The following SRGAP3 variants were observed in gnomAD, a reference collection of about 807,000 sequenced individuals.
SRGAP3 encodes the protein SLIT-ROBO Rho GTPase-activating protein 3.
Under a neutral mutation model 121.1 loss-of-function variants are expected in SRGAP3, and 39 were observed. The ratio of observed to expected loss-of-function variants is 0.32; its 90% CI spans 0.25 to 0.42. The LOEUF is 0.42. SRGAP3 is among the 10% of genes least tolerant of loss of function. SRGAP3 has a pLI of 1.00. For missense variants in SRGAP3, 1,213 were observed against 1,470.6 expected, an observed-to-expected ratio of 0.82 and a Z score of 2.86; for synonymous variants, 601 against 570.0, an observed-to-expected ratio of 1.05 and a Z score of -0.77.
chr3:9,315,543 G>C (rs558375975), intron 3 of SRGAP3, among the ~76,000 whole-genome samples: 7 of 152,266 alleles, frequency 4.6e-5, no homozygotes, highest in African/African-American at 1.4e-4. Context: ...TGGCTGCTGG[G>C]GATGGGAGAC....
At chr3:9,126,258 C>T (rs1257002480) in intron 1 of SRGAP3, among the ~76,000 whole-genome samples, 2 of 152,208 alleles carry the variant, frequency 1.3e-5, no homozygotes, top group Non-Finnish European at 2.9e-5. Flanking sequence ...AGAGCAACTG[C>T]TCACTCGTCC....
intron 13 of SRGAP3, among the ~76,000 whole-genome samples, chr3:9,025,821 T>A (rs1230367874): frequency 2.0e-5 from 3 of 152,214 alleles, no homozygotes; most frequent in African/African-American, 2.4e-5. Flanking sequence ...TTAAAAGGTC[T>A]GTTTCATCTT....
intron 1 of SRGAP3, among the ~76,000 whole-genome samples, chr3:9,187,350 A>G (rs905627774): frequency 1.3e-5 from 2 of 152,160 alleles, no homozygotes; most frequent in Admixed American, 1.3e-4. Context: ...GAAGGGGCAG[A>G]GTGGTATTTC....
At chr3:9,056,365 G>A (rs1560025742) in intron 7 of SRGAP3, 31 bp from the exon 8 acceptor site, 16 of 1,605,270 alleles carry the variant, frequency 1.0e-5, no homozygotes, top group Non-Finnish European at 1.4e-5. Context: ...ATCTGTGGTT[G>A]CCCTGTGCCC....
At chr3:9,034,806 A>G (rs550390049) in intron 11 of SRGAP3, 2 of 152,212 alleles carry the variant, frequency 1.3e-5, no homozygotes, top group Non-Finnish European at 2.9e-5. Flanking sequence ...TACCAAAGGC[A>G]AAAGAGAGTG....
chr3:8,999,896 T>A (rs1489596552), intron 18 of SRGAP3, among the ~76,000 whole-genome samples: 4 of 152,056 alleles, frequency 2.6e-5, no homozygotes, highest in Admixed American at 2.6e-4. Context: ...GAAAAAGAAA[T>A]ATTTCAAGCC....
At position 9,258,862 on chromosome 3, in the gene SRGAP3, C is replaced by T. The variant is rs111992410; in HGVS notation, n.442+67148G>A. On this transcript the variant is annotated intron_variant and non_coding_transcript_variant, in intron 3 of 3. Transcript: ENST00000490889. ...CTCTGTCTCTGATCGTGCCTCCCTC[C>T]TATTTGCGATCAACCCTGGAACCCG... Among the ~76,000 whole-genome samples the T allele has an allele frequency of 8.9e-3, 1,354 of 152,320 alleles. 25 individuals are homozygous for T. Among genetic ancestry groups the T allele is most frequent in the African/African-American group, 0.031 (1,273 of 41,570 alleles).
intron 3 of SRGAP3, among the ~76,000 whole-genome samples, chr3:9,265,240 C>T (rs1574955727): frequency 1.3e-5 from 2 of 152,206 alleles, no homozygotes; most frequent in African/African-American, 4.8e-5. Flanking sequence ...GGATTAAAGA[C>T]TTAAATGTAA....
rs1297953622 is a variant in SRGAP3 at position 8,985,106 on chromosome 3, A to G, written c.*413T>C. On this transcript the variant is annotated 3_prime_UTR_variant, in exon 22 of 22. Coordinates refer to ENST00000383836, the MANE Select transcript of SRGAP3 (RefSeq NM_014850.4). The surrounding 1 kb of genome is among the most constrained non-coding windows in gnomAD (Gnocchi z 5.1). The stretch of plus-strand genomic sequence containing the variant: ...TATAGATGCATAAATATATATATAT[A>G]TACACACACCTACAGACACGTACAT... 3 of 264,650 alleles carry G rather than the reference A, an allele frequency of 1.1e-5. No individual in the cohort carries two copies. The highest frequency in any genetic ancestry group is 2.2e-5 in the Non-Finnish European group (3 of 138,598). 16.4% of individuals were successfully genotyped at this position (264,650 alleles called of 1,614,324 possible). A position where few individuals can be genotyped will look rare whatever the true frequency, so the allele number is the denominator to read the frequency against.
chr3:9,159,608 C>T lies in SRGAP3; in HGVS notation c.68-34691G>A, dbSNP rs190337454. On this transcript the variant is annotated intron_variant, in intron 1 of 21. Coordinates refer to ENST00000383836, the MANE Select transcript of SRGAP3 (RefSeq NM_014850.4). Reference sequence around the variant, plus strand: ...AAACAATTTTGTGTTTATCCCATGACACACAGTTTACCCATATAACAAACC... The same window carrying T: ...AAACAATTTTGTGTTTATCCCATGATACACAGTTTACCCATATAACAAACC... Among the ~76,000 whole-genome samples the T allele has an allele frequency of 3.3e-5, 5 of 152,266 alleles. No individual in the cohort carries two copies. In the East Asian group the frequency reaches 5.8e-4, roughly 18 times the overall value.
At chr3:8,990,005 G>C (rs1941943581) in intron 21 of SRGAP3, among the ~76,000 whole-genome samples, 1 of 152,190 alleles carries the variant, frequency 6.6e-6, no homozygotes, top group African/African-American at 2.4e-5. Context: ...ACAACTGTGT[G>C]TGTGTGTTTG....
intron 3 of SRGAP3, among the ~76,000 whole-genome samples, chr3:9,317,297 C>G (rs199825045): frequency 1.3e-5 from 2 of 152,188 alleles, no homozygotes; most frequent in African/African-American, 4.8e-5. Flanking sequence ...ATATTTCGGC[C>G]GTAAATTTCC....
intron 1 of SRGAP3, among the ~76,000 whole-genome samples, chr3:9,196,522 T>C (rs1373559589): frequency 6.6e-6 from 1 of 152,244 alleles, no homozygotes; most frequent in Non-Finnish European, 1.5e-5. Context: ...TGCTTTTTCT[T>C]TGTTTTTAAT....
chr3:9,070,023 G>A (rs1946627661), intron 4 of SRGAP3, among the ~76,000 whole-genome samples: 1 of 152,238 alleles, frequency 6.6e-6, no homozygotes, highest in Non-Finnish European at 1.5e-5. Context: ...GGCAGAGCTG[G>A]GACTGCAGGC....
At chr3:9,303,097 TTG>T (rs1215091975) in intron 3 of SRGAP3, among the ~76,000 whole-genome samples, 1 of 85,362 alleles carries the variant, frequency 1.2e-5, no homozygotes, top group Admixed American at 1.0e-4. Context: ...TCCTTTACAT[TTG>T]TTTGTTTGTT....
rs186402247 is a variant in SRGAP3, at chr3:9,329,888, A to G, written n.283+640T>C. Among the ~76,000 whole-genome samples, 311 of 152,320 alleles carry G rather than the reference A, an allele frequency of 2.0e-3. 2 individuals are homozygous for G. Among genetic ancestry groups the G allele is most frequent in the African/African-American group, 7.0e-3 (289 of 41,570 alleles). On this transcript the variant is annotated intron_variant and non_coding_transcript_variant, in intron 2 of 3. Transcript: ENST00000490889. Reference sequence around the variant, plus strand: ...GGCAGATTATTCCAAACAGAAGAGCAGTTGACATCCCACAGTGCCAAACCC... The same window carrying G: ...GGCAGATTATTCCAAACAGAAGAGCGGTTGACATCCCACAGTGCCAAACCC...
At chr3:9,275,971 AG>A (rs1396588363) in intron 3 of SRGAP3, among the ~76,000 whole-genome samples, 1 of 152,112 alleles carries the variant, frequency 6.6e-6, no homozygotes, top group Non-Finnish European at 1.5e-5. Flanking sequence ...AGGCTGAGGC[AG>A]GGGGATCACC....
intron 1 of SRGAP3, among the ~76,000 whole-genome samples, chr3:9,169,676 G>T (rs1431760099): frequency 6.6e-6 from 1 of 152,174 alleles, no homozygotes; most frequent in African/African-American, 2.4e-5. Context: ...GCATCAATTA[G>T]GCCAACACCT....
chr3:9,220,942 C>T (rs1273066907), intron 1 of SRGAP3, among the ~76,000 whole-genome samples: 1 of 152,212 alleles, frequency 6.6e-6, no homozygotes, highest in Non-Finnish European at 1.5e-5. Context: ...GGGCAGACCC[C>T]ACCTCCCATC....
Sources: allele counts gnomAD v4.1 joint callset (sites outside exome capture counted in the v4.1 genomes callset), GRCh38; gene constraint gnomAD v4.1.1; non-coding constraint Gnocchi (gnomAD v3.1); transcripts MANE v1.5; gene names NCBI Gene and HGNC (gene_info 2026-07-23, HGNC 2026-07-21).